The following MEP1A variants were observed in gnomAD, a reference collection of about 807,000 sequenced individuals.
MEP1A encodes the protein N-benzoyl-L-tyrosyl-P-amino-benzoic acid hydrolase subunit alpha.
MEP1A carries 68 observed loss-of-function variants against 84.5 expected under a neutral mutation model. That is an observed-to-expected ratio of 0.80 (90% CI 0.66 to 0.98). MEP1A has a LOEUF of 0.98. MEP1A is among the 50% of genes least tolerant of loss of function. The pLI, the probability that MEP1A is intolerant of heterozygous loss-of-function variation, is 0.00. For missense variants in MEP1A, 887 were observed against 919.9 expected (o/e 0.96, Z 0.46); for synonymous variants, 337 against 336.8 (o/e 1.00, Z -0.01).
At chr6:46,799,223 C>T (rs772880831) in intron 5 of MEP1A, 42 bp downstream of exon 5, 13 of 1,286,684 alleles carry the variant, frequency 1.0e-5, no homozygotes, top group Non-Finnish European at 1.5e-5. Context: ...CAGTTTAACT[C>T]TCTCTCTCCT....
At chr6:46,813,012 GTTTCTTTGTTGAC>G (rs1767541889) in intron 6 of MEP1A, among the ~76,000 whole-genome samples, 2 of 152,082 alleles carry the variant, frequency 1.3e-5, no homozygotes, top group Admixed American at 1.3e-4. Context: ...AAAGTCCATT[GTTTCTTTGTTGAC>G]TTTCTGTCTT....
chr6:46,816,319 A>G (rs1444284083), intron 6 of MEP1A, among the ~76,000 whole-genome samples: 1 of 152,136 alleles, frequency 6.6e-6, no homozygotes, highest in Non-Finnish European at 1.5e-5. Flanking sequence ...GCTAGACTGT[A>G]GGTGCAACAA....
At chr6:46,797,924 TTCCTTCTTTCCTTCCTTCC>T (rs1338780782) in intron 3 of MEP1A, among the ~76,000 whole-genome samples, 11,832 of 52,666 alleles carry the variant, frequency 0.22, 859 homozygotes, top group Non-Finnish European at 0.29. Flanking sequence ...CCTTCCTTCC[TTCCTTCTTTCCTTCCTTCC>T]TTCCTTCCTT....
chr6:46,836,753 C>A (rs1344778038), intron 13 of MEP1A, among the ~76,000 whole-genome samples: 2 of 151,098 alleles, frequency 1.3e-5, no homozygotes, highest in Non-Finnish European at 2.9e-5. Context: ...TCTTTCTTGT[C>A]CTTCATTACC....
intron 10 of MEP1A, 124 bp downstream of exon 10, chr6:46,829,695 C>G: frequency 1.4e-6 from 1 of 701,158 alleles, no homozygotes; most frequent in Non-Finnish European, 2.5e-6. Flanking sequence ...CCTCCACCCA[C>G]TTTCTTCTCT....
downstream of MEP1A, among the ~76,000 whole-genome samples, chr6:46,843,607 G>A (rs1461041051): frequency 6.6e-6 from 1 of 152,190 alleles, no homozygotes; most frequent in Non-Finnish European, 1.5e-5. Flanking sequence ...TGCTATTGGA[G>A]TGTGTGTTCC....
At chr6:46,842,784 A>T (rs1768357058), downstream of MEP1A, among the ~76,000 whole-genome samples, 1 of 152,068 alleles carries the variant, frequency 6.6e-6, no homozygotes, top group African/African-American at 2.4e-5. Context: ...AGCTTAGGGG[A>T]CATAACGGAC....
intron 7 of MEP1A, among the ~76,000 whole-genome samples, chr6:46,820,921 T>A (rs181134420): frequency 6.6e-6 from 1 of 152,364 alleles, no homozygotes; most frequent in Non-Finnish European, 1.5e-5. Flanking sequence ...GTTTCCGGCA[T>A]GGCTTTTATA....
At chr6:46,797,405 T>C (rs141619324) in intron 3 of MEP1A, among the ~76,000 whole-genome samples, 57 of 152,330 alleles carry the variant, frequency 3.7e-4, no homozygotes, top group Non-Finnish European at 7.5e-4. Context: ...GAGTCTTGCT[T>C]ACTGAAACAG....
At chr6:46,837,109 A>G (rs1057481974) in intron 13 of MEP1A, among the ~76,000 whole-genome samples, 3 of 152,198 alleles carry the variant, frequency 2.0e-5, no homozygotes, top group Non-Finnish European at 4.4e-5. Flanking sequence ...CTGTTGACAC[A>G]TCCTGCTGCA....
chr6:46,838,980 G>A lies in MEP1A; in HGVS notation c.2085G>A (p.Arg695=). Residue 695 remains arginine (R), a splice_region_variant and synonymous_variant, in exon 14 of 14, where the codon AGG becomes AGA. Transcript: ENST00000230588. The part of the protein sequence containing the change: ...CVNVKGMASC[R]CISGHAFFYT... ...CTCCCTTCATGTCCTTTTCCCTCAG[G>A]TGCATCTCTGGACATGCTTTCTTCT... 5.6e-6 allele frequency: 9 copies of A among 1,610,884 alleles called. No individual in the cohort carries two copies. Among genetic ancestry groups the A allele is most frequent in the Non-Finnish European group, 7.6e-6 (9 of 1,177,706 alleles).
At chr6:46,829,244 AG>A in intron 9 of MEP1A, 111 bp from the exon 10 acceptor site, 1 of 802,902 alleles carries the variant, frequency 1.2e-6, no homozygotes. Context: ...GAAGAGTTCT[AG>A]TTTTTGTTGC....
chr6:46,797,792 C>CTCTTTCTTTCTTTCTTTCTT (rs552272095), intron 3 of MEP1A, among the ~76,000 whole-genome samples: 13 of 136,796 alleles, frequency 9.5e-5, no homozygotes, highest in East Asian at 4.4e-4. Flanking sequence ...TTCTTTCTTT[C>CTCTTTCTTTCTTTCTTTCTT]TCTTTCTTTC....
At chr6:46,798,730 G>C (rs872018) in intron 4 of MEP1A, 84 bp downstream of exon 4, 300,830 of 1,165,192 alleles carry the variant, frequency 0.26, 39,484 homozygotes, top group African/African-American at 0.33. Flanking sequence ...GCCAGCCCTG[G>C]GATGGGCACT....
At chr6:46,810,080 C>T (rs1581671267) in intron 6 of MEP1A, among the ~76,000 whole-genome samples, 1 of 151,814 alleles carries the variant, frequency 6.6e-6, no homozygotes, top group Non-Finnish European at 1.5e-5. Context: ...CATTCCCACC[C>T]ACAGTGTAAA....
Position 46,799,188 on chromosome 6 carries a change from T to C in MEP1A, c.262+7T>C, listed in dbSNP as rs1236216877. The stretch of plus-strand genomic sequence containing the variant: ...ATCTTGGCTGATAATTTGGGTAATA[T>C]TAATTGTTCTTAATTAGGAAGTTTC... On this transcript the variant is annotated splice_region_variant and intron_variant, in intron 5 of 13. Coordinates refer to ENST00000230588, the MANE Select transcript of MEP1A (RefSeq NM_005588.3). The C allele has an allele frequency of 6.4e-7, 1 of 1,562,670 alleles. No individual in the cohort carries two copies. The highest frequency in any genetic ancestry group is 8.8e-7 in the Non-Finnish European group (1 of 1,133,280).
rs181462947 is a variant in MEP1A at position 46,838,975 on chromosome 6, C to T, written c.2085-5C>T. ...CCACACTCCCTTCATGTCCTTTTCC[C>T]TCAGGTGCATCTCTGGACATGCTTT... On this transcript the variant is annotated splice_polypyrimidine_tract_variant and splice_region_variant and intron_variant, in intron 13 of 13. Coordinates refer to ENST00000230588, the MANE Select transcript of MEP1A (RefSeq NM_005588.3). 9 of 1,609,536 alleles carry T rather than the reference C, an allele frequency of 5.6e-6. No homozygotes were observed. The Admixed American group carries it at 1.2e-4, about 21-fold the overall frequency.
chr6:46,793,462 G>C lies in MEP1A; in HGVS notation c.64G>C (p.Val22Leu). Reference sequence around the variant, plus strand: ...CTTGCTTTTTGCCCACATAGCAGCTGTACCGGTAAGTCGAGTCCTGCTTTT... The same window carrying C: ...CTTGCTTTTTGCCCACATAGCAGCTCTACCGGTAAGTCGAGTCCTGCTTTT... ...FTLLFAHIAA[V>L]PIKYLPEENV... The change falls in exon 1 of 14, where the codon GTA (valine) becomes CTA (leucine). Residue 22 changes from valine (V) to leucine (L), a missense_variant. Coordinates refer to ENST00000230588, the MANE Select transcript of MEP1A (RefSeq NM_005588.3). 1.2e-6 allele frequency: 2 copies of C among 1,611,204 alleles called. No homozygotes were observed. The highest frequency in any genetic ancestry group is 1.7e-6 in the Non-Finnish European group (2 of 1,178,998).
At chr6:46,828,860 C>T (rs1478153448) in intron 9 of MEP1A, among the ~76,000 whole-genome samples, 1 of 151,790 alleles carries the variant, frequency 6.6e-6, no homozygotes, top group African/African-American at 2.4e-5. Flanking sequence ...ACTTTTTTGC[C>T]ACTGATAATA....
Sources: allele counts gnomAD v4.1 joint callset (sites outside exome capture counted in the v4.1 genomes callset), GRCh38; gene constraint gnomAD v4.1.1; transcripts MANE v1.5; gene names NCBI Gene and HGNC (gene_info 2026-07-23, HGNC 2026-07-21).